The following GPR158 variants were observed in gnomAD, a reference collection of about 807,000 sequenced individuals.
GPR158 encodes the protein G protein-coupled receptor 158, also known as metabotropic glycine receptor.
In GPR158, 30 loss-of-function variants were observed where a neutral mutation model predicts 78.2. The observed-to-expected ratio is 0.38, with a 90% CI of 0.29 to 0.52. The LOEUF (loss-of-function observed/expected upper bound fraction) is 0.52, where lower values mean the gene tolerates loss of function less well. GPR158 is among the 20% of genes least tolerant of loss of function. GPR158 has a pLI of 0.83. For synonymous variants in GPR158, 581 were observed against 591.1 expected, an observed-to-expected ratio of 0.98 and a Z score of 0.25; for missense variants, 1,463 against 1,523.5, an observed-to-expected ratio of 0.96 and a Z score of 0.66.
intron 4 of GPR158, among the ~76,000 whole-genome samples, chr10:25,446,953 T>A (rs1835144867): frequency 6.6e-6 from 1 of 152,226 alleles, no homozygotes; most frequent in African/African-American, 2.4e-5. Flanking sequence ...ATTTTGTTGC[T>A]TTATTTGTTT....
Position 25,588,944 on chromosome 10 carries a change from G to A in GPR158, c.1754-63G>A. 6.6e-6 allele frequency: 8 copies of A among 1,209,794 alleles called. No homozygotes were observed. The East Asian group carries it at 7.2e-5, about 11-fold the overall frequency. The allele number at this position is 1,209,794 out of a possible 1,614,324, so 74.9% of individuals were successfully genotyped here. The stretch of plus-strand genomic sequence containing the variant: ...ATGTTGAATAATAAACAAAATGCAT[G>A]CTAAAGAAGAATTTTATTTCTTCAC... On this transcript the variant is annotated intron_variant, in intron 7 of 10. Coordinates refer to ENST00000376351, the MANE Select transcript of GPR158 (RefSeq NM_020752.3).
At chr10:25,408,151 A>G (rs1834539282) in intron 3 of GPR158, among the ~76,000 whole-genome samples, 1 of 152,242 alleles carries the variant, frequency 6.6e-6, no homozygotes, top group Non-Finnish European at 1.5e-5. Flanking sequence ...TAAGCCAGTG[A>G]AAAAAGGTCA....
At chr10:25,529,431 G>T (rs1204577537) in intron 5 of GPR158, among the ~76,000 whole-genome samples, 1 of 151,998 alleles carries the variant, frequency 6.6e-6, no homozygotes, top group East Asian at 1.9e-4. Context: ...GGACATAAAA[G>T]ATAAAGTGAA....
chr10:25,433,570 T>TGTGTGTGTAC (rs1554803626), intron 4 of GPR158, among the ~76,000 whole-genome samples: 1,789 of 128,718 alleles, frequency 0.014, 37 homozygotes, highest in African/African-American at 0.049. Context: ...TGTGTGTGTG[T>TGTGTGTGTAC]GCGCGCGCGC....
intron 4 of GPR158, among the ~76,000 whole-genome samples, chr10:25,459,167 AT>A (rs1234495280): frequency 2.0e-5 from 3 of 152,104 alleles, no homozygotes; most frequent in Admixed American, 2.0e-4. Context: ...TTGTGTAATT[AT>A]TTTATCAGGT....
At chr10:25,502,794 G>C (rs894650710) in intron 5 of GPR158, among the ~76,000 whole-genome samples, 3 of 152,086 alleles carry the variant, frequency 2.0e-5, no homozygotes, top group Non-Finnish European at 4.4e-5. Context: ...AAGGTGCTGG[G>C]AATTTATCAC....
intron 1 of GPR158, among the ~76,000 whole-genome samples, chr10:25,186,960 A>ATTTTTT (rs1172184108): frequency 8.4e-6 from 1 of 119,244 alleles, no homozygotes. Context: ...TCCCTAACTC[A>ATTTTTT]TTTTTTTTTT....
chr10:25,430,212 C>A (rs1834881472), intron 4 of GPR158, among the ~76,000 whole-genome samples: 1 of 152,024 alleles, frequency 6.6e-6, no homozygotes, highest in Non-Finnish European at 1.5e-5. Context: ...TCTTATACAC[C>A]AATAACAGAC....
chr10:25,446,578 T>A (rs1835141072), intron 4 of GPR158, among the ~76,000 whole-genome samples: 1 of 152,216 alleles, frequency 6.6e-6, no homozygotes, highest in Non-Finnish European at 1.5e-5. Flanking sequence ...GAACTTCTTG[T>A]ATTTTATCTG....
intron 5 of GPR158, among the ~76,000 whole-genome samples, chr10:25,494,066 C>T (rs184348612): frequency 6.6e-6 from 1 of 152,030 alleles, no homozygotes; most frequent in East Asian, 1.9e-4. Context: ...AATAAAGTCA[C>T]AAAAGTGTTG....
intron 2 of GPR158, among the ~76,000 whole-genome samples, chr10:25,236,514 T>TA (rs918701062): frequency 5.1e-4 from 77 of 151,864 alleles, no homozygotes; most frequent in Admixed American, 9.2e-4. Context: ...TCTCAAAAAA[T>TA]AAAAAAAATA....
intron 1 of GPR158, among the ~76,000 whole-genome samples, chr10:25,193,215 A>C (rs1437132379): frequency 6.6e-6 from 1 of 152,190 alleles, no homozygotes; most frequent in Non-Finnish European, 1.5e-5. Flanking sequence ...ATAAACAGGC[A>C]AAATAAAAAT....
chr10:25,474,099 C>G (rs370424318), intron 5 of GPR158, among the ~76,000 whole-genome samples: 10 of 151,968 alleles, frequency 6.6e-5, no homozygotes, highest in African/African-American at 2.4e-4. Flanking sequence ...GCTGGCATTG[C>G]CAACTTTGAA....
chr10:25,251,669 C>G (rs912487112), intron 2 of GPR158, among the ~76,000 whole-genome samples: 16 of 151,512 alleles, frequency 1.1e-4, no homozygotes, highest in African/African-American at 3.7e-4. Flanking sequence ...TGTAGGGTTT[C>G]TGCCGAGAGA....
At chr10:25,537,484 G>T (rs191967055) in intron 5 of GPR158, among the ~76,000 whole-genome samples, 1 of 152,026 alleles carries the variant, frequency 6.6e-6, no homozygotes, top group African/African-American at 2.4e-5. Context: ...AGACTTGAAA[G>T]CATGTCTAAT....
chr10:25,438,081 G>A (rs1835022339), intron 4 of GPR158, among the ~76,000 whole-genome samples: 1 of 152,230 alleles, frequency 6.6e-6, no homozygotes, highest in South Asian at 2.1e-4. Context: ...TACAGCAACA[G>A]TGATGCTGAT....
intron 5 of GPR158, among the ~76,000 whole-genome samples, chr10:25,520,863 C>A (rs1397011211): frequency 6.6e-6 from 1 of 152,228 alleles, no homozygotes; most frequent in Non-Finnish European, 1.5e-5. Flanking sequence ...CAGAGGCAGG[C>A]AGGCCTCCTT....
At chr10:25,187,582 G>A (rs1175297534) in intron 1 of GPR158, among the ~76,000 whole-genome samples, 7 of 152,088 alleles carry the variant, frequency 4.6e-5, no homozygotes, top group South Asian at 2.1e-4. Context: ...AAATTCAACA[G>A]CCCTTCATGC....
chr10:25,207,397 G>A (rs1215145828), intron 1 of GPR158, among the ~76,000 whole-genome samples: 7 of 152,080 alleles, frequency 4.6e-5, no homozygotes, highest in Admixed American at 3.9e-4. Context: ...GGTCCCCAAC[G>A]TTTTTGGCAC....
Sources: allele counts gnomAD v4.1 joint callset (sites outside exome capture counted in the v4.1 genomes callset), GRCh38; gene constraint gnomAD v4.1.1; transcripts MANE v1.5; gene names NCBI Gene and HGNC (gene_info 2026-07-23, HGNC 2026-07-21).